Variants in PPFIA2 observed in about 807,000 individuals in gnomAD.
PPFIA2 encodes PPFI scaffold protein A2, also known as liprin-alpha-2.
A neutral mutation model predicts 175.5 loss-of-function variants in PPFIA2; 46 were observed. That is an observed-to-expected ratio of 0.26 (90% CI 0.21 to 0.34). The LOEUF is 0.34. Ranked by LOEUF, PPFIA2 falls within the 10% of genes least tolerant of loss-of-function variation. The pLI is 1.00. For missense variants in PPFIA2, 1,179 were observed against 1,506.1 expected (o/e 0.78, Z 3.60); for synonymous variants, 568 against 511.4 (o/e 1.11, Z -1.49).
At chr12:81,628,938 T>G (rs2063042386) in intron 4 of PPFIA2, among the ~76,000 whole-genome samples, 1 of 152,066 alleles carries the variant, frequency 6.6e-6, no homozygotes, top group Non-Finnish European at 1.5e-5. Flanking sequence ...GCTCAAATAC[T>G]CAGGAGTGGC....
At chr12:81,662,219 T>C (rs1470381682) in intron 4 of PPFIA2, among the ~76,000 whole-genome samples, 3 of 151,800 alleles carry the variant, frequency 2.0e-5, no homozygotes, top group Non-Finnish European at 2.9e-5. Flanking sequence ...CTGAAGGAGA[T>C]AGAGACATAA....
At chr12:81,525,147 C>A (rs1450322041) in intron 4 of PPFIA2, among the ~76,000 whole-genome samples, 2 of 152,120 alleles carry the variant, frequency 1.3e-5, no homozygotes, top group Non-Finnish European at 2.9e-5. Context: ...CTTAATAATT[C>A]TCTACCCCTT....
chr12:81,756,154 T>C (rs946455448), intron 2 of PPFIA2, among the ~76,000 whole-genome samples: 5 of 152,150 alleles, frequency 3.3e-5, no homozygotes, highest in African/African-American at 1.2e-4. Context: ...AGCCAATATG[T>C]TTACTTTTGA....
At chr12:81,496,299 T>C (rs1419364074) in intron 4 of PPFIA2, among the ~76,000 whole-genome samples, 1 of 152,224 alleles carries the variant, frequency 6.6e-6, no homozygotes, top group African/African-American at 2.4e-5. Context: ...GTGTGATCCG[T>C]GATTTAATTT....
intron 3 of PPFIA2, among the ~76,000 whole-genome samples, chr12:81,712,142 A>G (rs572849901): frequency 2.0e-5 from 3 of 151,456 alleles, no homozygotes; most frequent in Non-Finnish European, 2.9e-5. Context: ...ACTTAGCACC[A>G]CTTTTTTAAA....
chr12:81,509,654 T>C (rs1234126068), intron 4 of PPFIA2, among the ~76,000 whole-genome samples: 2 of 151,794 alleles, frequency 1.3e-5, no homozygotes, highest in East Asian at 3.9e-4. Context: ...ACTCAAACTA[T>C]ATAAAGTCTG....
intron 9 of PPFIA2, among the ~76,000 whole-genome samples, chr12:81,379,188 T>A (rs2037074826): frequency 6.6e-6 from 1 of 152,246 alleles, no homozygotes; most frequent in East Asian, 1.9e-4. Context: ...GAAATAGCTT[T>A]TCCCTCTGTC....
chr12:81,290,172 C>G (rs11114813), intron 24 of PPFIA2, among the ~76,000 whole-genome samples: 25,252 of 151,474 alleles, frequency 0.17, 2,212 homozygotes, highest in East Asian at 0.23. Context: ...GCTGAGGAAC[C>G]CAAGCCCAAA....
chr12:81,425,907 A>G, intron 7 of PPFIA2, among the ~76,000 whole-genome samples: 1 of 152,180 alleles, frequency 6.6e-6, no homozygotes, highest in African/African-American at 2.4e-5. Context: ...ATATTCAATT[A>G]AAAAAATTAA....
At chr12:81,482,622 C>T (rs986558866) in intron 4 of PPFIA2, among the ~76,000 whole-genome samples, 1 of 152,100 alleles carries the variant, frequency 6.6e-6, no homozygotes, top group Non-Finnish European at 1.5e-5. Context: ...TCATTCTCAG[C>T]TAACCAACAC....
At chr12:81,646,115 G>A (rs2066026171) in intron 4 of PPFIA2, among the ~76,000 whole-genome samples, 1 of 152,120 alleles carries the variant, frequency 6.6e-6, no homozygotes, top group South Asian at 2.1e-4. Flanking sequence ...ATGAAGAAAG[G>A]TATAGAAGTC....
intron 4 of PPFIA2, among the ~76,000 whole-genome samples, chr12:81,634,873 T>C (rs2063807510): frequency 6.6e-6 from 1 of 152,016 alleles, no homozygotes; most frequent in Admixed American, 6.5e-5. Flanking sequence ...GGGTAATGTG[T>C]CCTTTAAAAT....
chr12:81,756,095 G>T (rs1361114856), intron 2 of PPFIA2, among the ~76,000 whole-genome samples: 2 of 152,094 alleles, frequency 1.3e-5, no homozygotes, highest in East Asian at 3.8e-4. Flanking sequence ...GGCCATGCAT[G>T]AAACCTACAC....
intron 28 of PPFIA2, among the ~76,000 whole-genome samples, chr12:81,269,452 T>G (rs184241909): frequency 1.1e-3 from 168 of 152,364 alleles, no homozygotes; most frequent in Non-Finnish European, 2.1e-3. Context: ...AAATACCTGT[T>G]TCAATAAGCC....
intron 4 of PPFIA2, among the ~76,000 whole-genome samples, chr12:81,609,597 T>G (rs1483195428): frequency 6.6e-6 from 1 of 152,142 alleles, no homozygotes; most frequent in Non-Finnish European, 1.5e-5. Context: ...ATAGGGACGC[T>G]TTCTCTTTTT....
At chr12:81,453,307 T>C (rs961262668) in intron 5 of PPFIA2, among the ~76,000 whole-genome samples, 2 of 151,916 alleles carry the variant, frequency 1.3e-5, no homozygotes, top group African/African-American at 4.8e-5. Context: ...GATCTTCAGC[T>C]ATAAAAATAG....
intron 22 of PPFIA2, among the ~76,000 whole-genome samples, chr12:81,307,076 T>A (rs969433967): frequency 1.3e-5 from 2 of 152,188 alleles, no homozygotes; most frequent in East Asian, 3.9e-4. Flanking sequence ...TGATCGCTAC[T>A]TTTTCAACTA....
rs181339619 is a variant in PPFIA2, at chr12:81,478,196, T to A, written c.304-20330A>T. On this transcript the variant is annotated intron_variant, in intron 4 of 32. Transcript: ENST00000549396. ...TTCTAGATTTTCTAGTTTATTTGCA[T>A]AGAGATGTTTATAGTATTCTCTGAC... Among the ~76,000 whole-genome samples, 49 of 152,336 alleles carry A rather than the reference T, an allele frequency of 3.2e-4. No homozygotes were observed. In the East Asian group the frequency reaches 7.7e-3, roughly 24 times the overall value.
At chr12:81,442,828 A>G (rs1174651029) in intron 6 of PPFIA2, among the ~76,000 whole-genome samples, 9 of 97,244 alleles carry the variant, frequency 9.3e-5, no homozygotes, top group Non-Finnish European at 1.5e-4. Flanking sequence ...GGCATGGTTA[A>G]TTGCATCTTT....
Sources: gnomAD v4.1 joint callset for allele counts (sites outside exome capture counted in the v4.1 genomes callset) on GRCh38, gnomAD v4.1.1 for gene constraint, MANE v1.5 for transcripts, NCBI Gene and HGNC (gene_info 2026-07-23, HGNC 2026-07-21) for gene names.